The following IMPDH1 variants were observed in gnomAD, a reference collection of about 807,000 sequenced individuals.
The protein encoded by IMPDH1 is inosine monophosphate dehydrogenase 1.
Under a neutral mutation model 73.5 loss-of-function variants are expected in IMPDH1, and 41 were observed. That is an observed-to-expected ratio of 0.56 (90% CI 0.43 to 0.72). IMPDH1 has a LOEUF of 0.72. Ranked by LOEUF, IMPDH1 falls within the 30% of genes least tolerant of loss-of-function variation. The probability of loss-of-function intolerance (pLI) is 0.00; values close to 1 mark genes in which losing one functional copy is unlikely to be tolerated. For missense variants in IMPDH1, 645 were observed against 824.8 expected (o/e 0.78, Z 2.67); for synonymous variants, 318 against 334.3 (o/e 0.95, Z 0.53).
Position 128,403,733 on chromosome 7 carries a change from T to C in IMPDH1, c.375A>G (p.Gly125=), listed in dbSNP as rs1283398394. The change falls in exon 5 of 17, where the codon GGA becomes GGG. Residue 125 remains glycine (G), a synonymous_variant. Coordinates refer to ENST00000338791, the MANE Select transcript of IMPDH1 (RefSeq NM_000883.4). The part of the protein sequence containing the change: ...LTYNDFLILP[G]FIDFIADEVD... ...CCTCATCAGCTATGAAGTCTATGAA[T>C]CCTGGGAGAATCAGGAAGTCGCTGT... 1 of 1,613,950 alleles carries C rather than the reference T, an allele frequency of 6.2e-7. No individual in the cohort carries two copies. Among genetic ancestry groups the C allele is most frequent in the Non-Finnish European group, 8.5e-7 (1 of 1,179,922 alleles).
rs1310312932 is a variant in IMPDH1 at position 128,409,680 on chromosome 7, C to T, written c.146+76G>A. On this transcript the variant is annotated intron_variant, in intron 1 of 16. Coordinates refer to ENST00000338791, the MANE Select transcript of IMPDH1 (RefSeq NM_000883.4). Reference sequence around the variant, plus strand: ...GCCTGCCCCTCCCCCGCAGCGTCGCCGGGTTCCCGGAGCCGCCGCGCCCTC... The same window carrying T: ...GCCTGCCCCTCCCCCGCAGCGTCGCTGGGTTCCCGGAGCCGCCGCGCCCTC... The T allele has an allele frequency of 2.0e-6, 3 of 1,519,392 alleles. No homozygotes were observed. The African/African-American group carries it at 4.1e-5, about 21-fold the overall frequency. The allele number at this position is 1,519,392 out of a possible 1,614,324, so 94.1% of individuals were successfully genotyped here. A position where few individuals can be genotyped will look rare whatever the true frequency, so the allele number is the denominator to read the frequency against.
intron 4 of IMPDH1, 98 bp from the exon 5 acceptor site, chr7:128,403,852 G>C (rs1296918067): frequency 3.9e-6 from 4 of 1,038,954 alleles, no homozygotes; most frequent in Admixed American, 1.7e-5. Flanking sequence ...GTACAGAAAA[G>C]CCTAGAGGAG....
rs1584720896 is a variant in IMPDH1, at chr7:128,396,576, A to T, written c.1261+24T>A. ...AGGCGAGGCCCCGGGGCCAGCGGGC[A>T]CTCGCTCACCTCCTGACACCCACCT... On this transcript the variant is annotated intron_variant, in intron 12 of 16. Transcript: ENST00000338791. The surrounding 1 kb of genome is among the most constrained non-coding windows in gnomAD (Gnocchi z 4.0). The T allele has an allele frequency of 1.3e-6, 2 of 1,519,888 alleles. No homozygotes were observed. Among genetic ancestry groups the T allele is most frequent in the Admixed American group, 2.0e-5 (1 of 50,976 alleles). 94.2% of individuals were successfully genotyped at this position (1,519,888 alleles called of 1,614,324 possible).
rs1219838411 is a variant in IMPDH1, at chr7:128,398,156, T to C, written c.1074+258A>G. On this transcript the variant is annotated intron_variant, in intron 10 of 16. Transcript: ENST00000338791. The surrounding 1 kb of genome is among the most constrained non-coding windows in gnomAD (Gnocchi z 4.3). ...AGATGACACAAACCATTGTTTGTTT[T>C]TTGAGAAAGGGTCTCGTTCTGTCCC... Among the ~76,000 whole-genome samples, 1 of 152,268 alleles carries C rather than the reference T, an allele frequency of 6.6e-6. No individual in the cohort carries two copies. The highest frequency in any genetic ancestry group is 2.4e-5 in the African/African-American group (1 of 41,480).
intron 10 of IMPDH1, among the ~76,000 whole-genome samples, chr7:128,397,494 G>A (rs1050184877): frequency 1.3e-5 from 2 of 152,210 alleles, no homozygotes; most frequent in Non-Finnish European, 2.9e-5. Flanking sequence ...TAAATTATCA[G>A]GGTCAACTTA....
At position 128,396,801 on chromosome 7, in the gene IMPDH1, G is replaced by A; in HGVS notation, c.1166-106C>T. The stretch of plus-strand genomic sequence containing the variant: ...TAGCACCCCCCAACCCCCCTACAGT[G>A]ACCAAAGCCCATCATGCTCCCTGCC... On this transcript the variant is annotated intron_variant, in intron 11 of 16. Coordinates refer to ENST00000338791, the MANE Select transcript of IMPDH1 (RefSeq NM_000883.4). This position sits in a 1 kb window ranked among gnomAD's most constrained non-coding sequence, Gnocchi z 4.0. 1.7e-6 allele frequency: 2 copies of A among 1,175,206 alleles called. No homozygotes were observed. The highest frequency in any genetic ancestry group is 2.5e-6 in the Non-Finnish European group (2 of 806,908). 72.8% of individuals were successfully genotyped at this position (1,175,206 alleles called of 1,614,324 possible). A position where few individuals can be genotyped will look rare whatever the true frequency, so the allele number is the denominator to read the frequency against.
chr7:128,400,606 G>A, intron 7 of IMPDH1, 67 bp from the exon 8 acceptor site: 5 of 1,469,192 alleles, frequency 3.4e-6, no homozygotes, highest in Non-Finnish European at 4.7e-6. Flanking sequence ...GCTGGCCACA[G>A]GGAACAGAGG....
intron 3 of IMPDH1, among the ~76,000 whole-genome samples, chr7:128,408,037 C>G (rs1446530844): frequency 1.3e-5 from 2 of 152,210 alleles, no homozygotes; most frequent in Non-Finnish European, 2.9e-5. Flanking sequence ...CCTCAACCCC[C>G]ACTCTCATAC....
rs1472988255 is a variant in IMPDH1, at chr7:128,392,984, C to CACCT, written c.*19_*22dup. The CACCT allele has an allele frequency of 6.2e-7, 1 of 1,613,460 alleles. No individual in the cohort carries two copies. Among genetic ancestry groups the CACCT allele is most frequent in the South Asian group, 1.1e-5 (1 of 91,064 alleles). On this transcript the variant is annotated 3_prime_UTR_variant, in exon 17 of 17. Coordinates refer to ENST00000338791, the MANE Select transcript of IMPDH1 (RefSeq NM_000883.4). ...GGACACTGGGGTGCATCCCCTCCAC[C>CACCT]ACCTCGGCCTCCACCGCTGTCCTCA...
Position 128,396,974 on chromosome 7 carries a change from T to G in IMPDH1, c.1123A>C (p.Ile375Leu). Residue 375 changes from isoleucine (I) to leucine (L), a missense_variant, in exon 11 of 17, where the codon ATC (isoleucine) becomes CTC (leucine). Ile to Leu is a conservative substitution (Grantham distance 5). Coordinates refer to ENST00000338791, the MANE Select transcript of IMPDH1 (RefSeq NM_000883.4). This position sits in a 1 kb window ranked among gnomAD's most constrained non-coding sequence, Gnocchi z 4.0. ...SVYQIAMVHY[I>L]KQKYPHLQVI... The stretch of plus-strand genomic sequence containing the variant: ...TGGAGGTGGGGGTACTTCTGTTTGA[T>G]GTAATGCACCATGGCGATCTGATAC... 6.2e-7 allele frequency: 1 copy of G among 1,614,012 alleles called. No homozygotes were observed. Among genetic ancestry groups the G allele is most frequent in the Non-Finnish European group, 8.5e-7 (1 of 1,179,974 alleles).
intron 5 of IMPDH1, 42 bp downstream of exon 5, chr7:128,403,664 C>G (rs1193121304): frequency 7.6e-6 from 12 of 1,580,074 alleles, no homozygotes; most frequent in Non-Finnish European, 9.6e-6. Flanking sequence ...TCTTCCACCA[C>G]ATACACAGCC....
chr7:128,399,677 ACT>A (rs765131255), intron 9 of IMPDH1, among the ~76,000 whole-genome samples: 1 of 151,242 alleles, frequency 6.6e-6, no homozygotes, highest in Non-Finnish European at 1.5e-5. Flanking sequence ...AGAAAGTGAG[ACT>A]CTGTCTCAAA....
chr7:128,394,991 C>T lies in IMPDH1; in HGVS notation c.1448G>A (p.Gly483Asp). 1 of 1,614,074 alleles carries T rather than the reference C, an allele frequency of 6.2e-7. No homozygotes were observed. Among genetic ancestry groups the T allele is most frequent in the South Asian group, 1.1e-5 (1 of 91,084 alleles). The change falls in exon 14 of 17, where the codon GGC becomes GAC. Residue 483 changes from glycine to aspartate, a missense_variant. Physicochemically the swap from Gly to Asp is moderately conservative, Grantham distance 94. Transcript: ENST00000338791. The surrounding 1 kb of genome is among the most constrained non-coding windows in gnomAD (Gnocchi z 5.5). ...CACCCCGTCTGAGAAGAAGTACTCG[C>T]CAGGGGCCTCCGTAGTGGCGGCCAG... ...SLLAATTEAP[G>D]EYFFSDGVRL...
intron 4 of IMPDH1, 49 bp from the exon 5 acceptor site, chr7:128,403,803 A>T: frequency 6.6e-7 from 1 of 1,524,604 alleles, no homozygotes; most frequent in Non-Finnish European, 9.1e-7. Context: ...GGTGCCCCAA[A>T]GGGGCAGAGC....
intron 5 of IMPDH1, among the ~76,000 whole-genome samples, chr7:128,401,977 C>T (rs751410774): frequency 1.6e-4 from 25 of 152,272 alleles, no homozygotes; most frequent in Non-Finnish European, 3.4e-4. Flanking sequence ...CATCACTAAC[C>T]CTAGTTCAGA....
Position 128,395,283 on chromosome 7 carries a change from G to A in IMPDH1, c.1262-9C>T, listed in dbSNP as rs766762363. On this transcript the variant is annotated splice_polypyrimidine_tract_variant and intron_variant, in intron 12 of 16. Coordinates refer to ENST00000338791, the MANE Select transcript of IMPDH1 (RefSeq NM_000883.4). ...CCGACCACAGGCCATCACTGGGGGA[G>A]GGTGGGGTGCACAAGGCAGAGAAGA... 2.1e-5 allele frequency: 34 copies of A among 1,612,868 alleles called. No individual in the cohort carries two copies. The highest frequency in any genetic ancestry group is 2.7e-5 in the Non-Finnish European group (32 of 1,180,032).
chr7:128,394,422 G>A lies in IMPDH1; in HGVS notation c.1694+34C>T, dbSNP rs964169899. On this transcript the variant is annotated intron_variant, in intron 15 of 16. Coordinates refer to ENST00000338791, the MANE Select transcript of IMPDH1 (RefSeq NM_000883.4). The surrounding 1 kb of genome is among the most constrained non-coding windows in gnomAD (Gnocchi z 5.5). Reference sequence around the variant, plus strand: ...CAAGGGTGGAGAAGAGCGAGAGAAAGGAAGCAGGAGCCACCCCCAGTCTCA... The same window carrying A: ...CAAGGGTGGAGAAGAGCGAGAGAAAAGAAGCAGGAGCCACCCCCAGTCTCA... 1.9e-6 allele frequency: 3 copies of A among 1,614,028 alleles called. No homozygotes were observed. Among genetic ancestry groups the A allele is most frequent in the African/African-American group, 2.7e-5 (2 of 75,046 alleles).
intron 3 of IMPDH1, among the ~76,000 whole-genome samples, chr7:128,406,172 G>A (rs1170289541): frequency 1.0e-5 from 1 of 99,616 alleles, no homozygotes; most frequent in Admixed American, 1.1e-4. Context: ...GACCCCGCAA[G>A]CCCGGACCGG....
rs748386638 is a variant in IMPDH1, at chr7:128,401,061, GA to G, written c.457del (p.Ser153ProfsTer6). The G allele has an allele frequency of 6.2e-7, 1 of 1,614,108 alleles. No homozygotes were observed. The highest frequency in any genetic ancestry group is 8.5e-7 in the Non-Finnish European group (1 of 1,180,018). On this transcript the variant is annotated frameshift_variant, in exon 6 of 17. Coordinates refer to ENST00000338791, the MANE Select transcript of IMPDH1 (RefSeq NM_000883.4). LOFTEE classifies it high-confidence loss of function. Reference sequence around the variant, plus strand: ...AGCCTCTGTCACAGTGTCCATGGGGGAGGAGATCAGTGGCGTCTTCAGCGTG... The same window carrying G: ...AGCCTCTGTCACAGTGTCCATGGGGGGGAGATCAGTGGCGTCTTCAGCGTG... ...KITLKTPLISSPMDTVTEADM... is the reference protein window; with the variant it reads ...KITLKTPLISXPMDTVTEADM...
Sources: allele counts gnomAD v4.1 joint callset (sites outside exome capture counted in the v4.1 genomes callset), GRCh38; gene constraint gnomAD v4.1.1; non-coding constraint Gnocchi (gnomAD v3.1); transcripts MANE v1.5; gene names NCBI Gene and HGNC (gene_info 2026-07-23, HGNC 2026-07-21).